Variants in TENM2 observed in about 807,000 individuals in gnomAD.
The protein encoded by TENM2 is teneurin-2.
Under a neutral mutation model 245.2 loss-of-function variants are expected in TENM2, and 52 were observed. The observed-to-expected ratio is 0.21, with a 90% CI of 0.17 to 0.27. The LOEUF is 0.27. TENM2 is among the 10% of genes least tolerant of loss of function. TENM2 has a pLI of 1.00. For missense variants in TENM2, 3,046 were observed against 3,666.8 expected (o/e 0.83, Z 4.37); for synonymous variants, 1,363 against 1,438.9 (o/e 0.95, Z 1.19).
chr5:168,172,050 G>A (rs1758884850), intron 13 of TENM2, among the ~76,000 whole-genome samples: 2 of 152,296 alleles, frequency 1.3e-5, no homozygotes, highest in South Asian at 4.1e-4. Context: ...CCCTACCGGG[G>A]CAACTCGCTC....
chr5:167,506,741 T>A (rs1375486427), intron 2 of TENM2, among the ~76,000 whole-genome samples: 2 of 152,174 alleles, frequency 1.3e-5, no homozygotes, highest in Non-Finnish European at 2.9e-5. Flanking sequence ...TTCACTTCAT[T>A]GAATTCTTGT....
intron 2 of TENM2, among the ~76,000 whole-genome samples, chr5:167,826,113 C>T (rs1178545568): frequency 1.3e-5 from 2 of 152,180 alleles, no homozygotes; most frequent in Non-Finnish European, 2.9e-5. Context: ...AACTAGCAAA[C>T]AAAATCTCAG....
intron 2 of TENM2, among the ~76,000 whole-genome samples, chr5:167,779,237 C>A (rs1208927440): frequency 6.6e-6 from 1 of 152,210 alleles, no homozygotes; most frequent in African/African-American, 2.4e-5. Context: ...CCTTTCCCAA[C>A]AGCCACAAAG....
At chr5:167,647,952 C>T (rs1295894399) in intron 2 of TENM2, among the ~76,000 whole-genome samples, 2 of 152,156 alleles carry the variant, frequency 1.3e-5, no homozygotes, top group Non-Finnish European at 2.9e-5. Flanking sequence ...CAAAGAGTGC[C>T]TGGGGCACAA....
At chr5:167,193,528 A>T in the TENM2 span, among the ~76,000 whole-genome samples, 8 of 151,992 alleles carry the variant, frequency 5.3e-5, no homozygotes, top group African/African-American at 1.9e-4. Flanking sequence ...ATTCTTTTCA[A>T]CATATAGGAT....
chr5:167,540,505 G>T (rs895184179), intron 2 of TENM2, among the ~76,000 whole-genome samples: 1 of 152,172 alleles, frequency 6.6e-6, no homozygotes, highest in African/African-American at 2.4e-5. Flanking sequence ...TTGGCATATA[G>T]CCATGCTCAT....
chr5:167,993,305 G>A (rs1175779974), intron 5 of TENM2, 123 bp downstream of exon 7: 1 of 693,554 alleles, frequency 1.4e-6, no homozygotes, highest in African/African-American at 1.8e-5. Flanking sequence ...CCTGAAAGAT[G>A]TGATAATGAG....
rs1232707343 is a variant in TENM2, at chr5:167,678,003, T to A, written c.503-197983T>A. Among the ~76,000 whole-genome samples, 3 of 151,968 alleles carry A rather than the reference T, an allele frequency of 2.0e-5. No homozygotes were observed. In the East Asian group the frequency reaches 5.8e-4, roughly 29 times the overall value. On this transcript the variant is annotated intron_variant, in intron 2 of 28. Transcript: ENST00000518659. ...CTGCTAAAATCATGATATAGAATAA[T>A]ACTTAAAGACATGGAATTATATTTG... is the stretch of plus-strand genomic sequence containing the variant.
chr5:167,935,163 T>G lies in TENM2; in HGVS notation c.713-17425T>G, dbSNP rs181348790. 1.5e-4 allele frequency among the ~76,000 whole-genome samples: 23 copies of G among 152,208 alleles called. No individual in the cohort carries two copies. In the East Asian group the frequency reaches 4.3e-3, roughly 28 times the overall value. ...ACAGAGGCGTGAAAAGAGCCGTTAG[T>G]GCAATGGAGTGTCGTGAATTATCTG... is the stretch of plus-strand genomic sequence containing the variant. On this transcript the variant is annotated intron_variant, in intron 3 of 28. Coordinates refer to ENST00000518659, the Ensembl canonical transcript of TENM2.
chr5:167,934,231 T>TTCA (rs764101048), intron 3 of TENM2, among the ~76,000 whole-genome samples: 11 of 152,210 alleles, frequency 7.2e-5, no homozygotes, highest in Non-Finnish European at 1.5e-4. Flanking sequence ...GATCCTATTA[T>TTCA]AAACTTTCAA....
chr5:167,072,604 A>AT, the TENM2 span, among the ~76,000 whole-genome samples: 19 of 152,240 alleles, frequency 1.2e-4, no homozygotes, highest in South Asian at 3.9e-3. Flanking sequence ...AGAATTTTAT[A>AT]TTTTATCTTT....
intron 1 of TENM2, among the ~76,000 whole-genome samples, chr5:167,354,500 A>T (rs992783459): frequency 6.6e-6 from 1 of 151,982 alleles, no homozygotes; most frequent in Non-Finnish European, 1.5e-5. Context: ...CCCCTCCCCT[A>T]AACCCTCCCC....
At chr5:167,589,060 G>A (rs758003852) in intron 2 of TENM2, among the ~76,000 whole-genome samples, 31 of 152,004 alleles carry the variant, frequency 2.0e-4, no homozygotes, top group African/African-American at 7.2e-4. Flanking sequence ...AAATTAGCTG[G>A]GTCTATTGGC....
chr5:168,228,423 G>T (rs1426730463), intron 25 of TENM2, among the ~76,000 whole-genome samples: 1 of 152,166 alleles, frequency 6.6e-6, no homozygotes, highest in Admixed American at 6.5e-5. Flanking sequence ...CTGCTATGGG[G>T]ATTTACATTA....
At chr5:167,759,168 G>T (rs1485788628) in intron 2 of TENM2, among the ~76,000 whole-genome samples, 3 of 147,900 alleles carry the variant, frequency 2.0e-5, no homozygotes. Context: ...GATTACTTGG[G>T]TTCAAATCCC....
chr5:167,330,146 T>G (rs1757354872), intron 1 of TENM2, among the ~76,000 whole-genome samples: 1 of 152,190 alleles, frequency 6.6e-6, no homozygotes, highest in African/African-American at 2.4e-5. Context: ...AAAGAACATC[T>G]TGGGAAGAGG....
intron 9 of TENM2, among the ~76,000 whole-genome samples, chr5:168,106,787 G>A (rs1238490055): frequency 2.0e-5 from 3 of 152,212 alleles, no homozygotes; most frequent in African/African-American, 7.2e-5. Context: ...CTGGCCAGGT[G>A]CAGTGGCTCA....
intron 2 of TENM2, among the ~76,000 whole-genome samples, chr5:167,819,087 T>C (rs10060371): frequency 0.068 from 10,279 of 151,572 alleles, 776 homozygotes; most frequent in African/African-American, 0.18. Context: ...TGTGTGTGCG[T>C]GCGCGTTCTC....
chr5:168,089,371 A>G (rs570623943), intron 7 of TENM2, among the ~76,000 whole-genome samples: 24 of 152,258 alleles, frequency 1.6e-4, no homozygotes, highest in South Asian at 1.5e-3. Context: ...CTAATTCCTT[A>G]AAACATCCCT....
Sources: gnomAD v4.1 joint callset for allele counts (sites outside exome capture counted in the v4.1 genomes callset) on GRCh38, gnomAD v4.1.1 for gene constraint, MANE v1.5 for transcripts, NCBI Gene and HGNC (gene_info 2026-07-23, HGNC 2026-07-21) for gene names.